GALNT16: variants seen among roughly 807,000 people sequenced by gnomAD.
GALNT16 encodes the protein polypeptide N-acetylgalactosaminyltransferase 16.
GALNT16 carries 40 observed loss-of-function variants against 76.1 expected under a neutral mutation model. The ratio of observed to expected loss-of-function variants is 0.53; its 90% confidence interval spans 0.41 to 0.68. GALNT16 has a LOEUF of 0.68. Among genes scored for constraint, GALNT16 ranks in the 30% least tolerant of loss-of-function variants. The pLI is 0.00. For missense variants in GALNT16, 621 were observed against 731.9 expected (o/e 0.85, Z 1.75); for synonymous variants, 276 against 285.2 (o/e 0.97, Z 0.32).
intron 10 of GALNT16, 64 bp from the exon 11 acceptor site, chr14:69,339,463 G>C: frequency 1.1e-6 from 1 of 948,756 alleles, no homozygotes. Context: ...GATTAATCTT[G>C]ATCCTGACCG....
intron 14 of GALNT16, chr14:69,348,942 C>T (rs559792416): frequency 1.3e-5 from 2 of 152,488 alleles, no homozygotes; most frequent in African/African-American, 4.8e-5. Flanking sequence ...TAGCCTGCCT[C>T]AGTCGGTGCA....
At position 69,261,648 on chromosome 14, in the gene GALNT16, G is replaced by C. The variant is rs369609718; in HGVS notation, c.177+1181G>C. Among the ~76,000 whole-genome samples the C allele has an allele frequency of 7.9e-5, 12 of 152,264 alleles. No individual in the cohort carries two copies. The highest frequency in any genetic ancestry group is 3.4e-3 in the Middle Eastern group (1 of 294). On this transcript the variant is annotated intron_variant, in intron 1 of 14. Coordinates refer to ENST00000448469, the MANE Select transcript of GALNT16 (RefSeq NM_001168368.2). The surrounding 1 kb of genome is among the most constrained non-coding windows in gnomAD (Gnocchi z 6.4). ...TCCGGAGGGCTGAGGCTTGTGTGGA[G>C]CCGAATCCGAGAAACGCATCCAGAC...
chr14:69,309,938 C>A (rs544351385), intron 1 of GALNT16, among the ~76,000 whole-genome samples: 55 of 151,978 alleles, frequency 3.6e-4, no homozygotes, highest in African/African-American at 1.3e-3. Flanking sequence ...TTTGAGCTAC[C>A]TGAAATTTAT....
At chr14:69,364,850 C>T in the GALNT16 span, among the ~76,000 whole-genome samples, 47 of 152,204 alleles carry the variant, frequency 3.1e-4, no homozygotes, top group South Asian at 1.0e-3. This position sits in a 1 kb window ranked among gnomAD's most constrained non-coding sequence, Gnocchi z 4.2. Flanking sequence ...TGATGGAACC[C>T]GCTTTTCAGG....
the GALNT16 span, among the ~76,000 whole-genome samples, chr14:69,379,840 G>C: frequency 6.6e-6 from 1 of 152,132 alleles, no homozygotes; most frequent in Admixed American, 6.5e-5. Flanking sequence ...AAGTTCATCT[G>C]TCTGCTGCTG....
In GALNT16 at chr14:69,333,280, T is replaced by C. The variant is rs1314524502; in HGVS notation, c.863+111T>C. 2.6e-6 allele frequency: 2 copies of C among 765,708 alleles called. No homozygotes were observed. The highest frequency in any genetic ancestry group is 2.2e-6 in the Non-Finnish European group (1 of 459,636). The allele number at this position is 765,708 out of a possible 1,614,324, so 47.4% of individuals were successfully genotyped here. On this transcript the variant is annotated intron_variant, in intron 8 of 14. Transcript: ENST00000448469. The surrounding 1 kb of genome is among the most constrained non-coding windows in gnomAD (Gnocchi z 4.2). ...TGGGCTCCTGAGGCGCACTAAGTGC[T>C]GACTCTGTTCTGGGCCTTCGGACCC...
intron 11 of GALNT16, 124 bp downstream of exon 11, chr14:69,339,743 C>A: frequency 1.6e-6 from 1 of 613,142 alleles, no homozygotes; most frequent in East Asian, 2.9e-5. Flanking sequence ...AGGTCCCACT[C>A]TAATGGGCTT....
chr14:69,320,972 TC>T, intron 2 of GALNT16, 104 bp downstream of exon 2: 1 of 1,149,126 alleles, frequency 8.7e-7, no homozygotes. Flanking sequence ...GATGATTTCC[TC>T]AGACTGTGTC....
chr14:69,288,789 C>A (rs574838584), intron 1 of GALNT16, among the ~76,000 whole-genome samples: 1 of 152,202 alleles, frequency 6.6e-6, no homozygotes, highest in Non-Finnish European at 1.5e-5. Flanking sequence ...GAAAAACCAA[C>A]ACCTGGAGAA....
At chr14:69,294,236 C>T (rs2044724882) in intron 1 of GALNT16, among the ~76,000 whole-genome samples, 1 of 152,164 alleles carries the variant, frequency 6.6e-6, no homozygotes, top group South Asian at 2.1e-4. Flanking sequence ...ATTCTGTTGC[C>T]TCAGCCTCCC....
chr14:69,380,549 C>A, the GALNT16 span: 1 of 1,604,116 alleles, frequency 6.2e-7, no homozygotes, highest in Non-Finnish European at 8.5e-7. Context: ...TATTTCCCAG[C>A]CTGTTGGGCC....
At chr14:69,307,582 G>A (rs542220259) in intron 1 of GALNT16, among the ~76,000 whole-genome samples, 9 of 152,072 alleles carry the variant, frequency 5.9e-5, no homozygotes, top group South Asian at 4.2e-4. Flanking sequence ...CCTCCTTTCC[G>A]CAGCTACGGA....
At chr14:69,383,967 G>A in the GALNT16 span, among the ~76,000 whole-genome samples, 5 of 152,088 alleles carry the variant, frequency 3.3e-5, no homozygotes, top group Non-Finnish European at 7.4e-5. Context: ...GGGTAATATA[G>A]CAAGACCCTG....
downstream of GALNT16, among the ~76,000 whole-genome samples, chr14:69,360,044 T>TAAAGAAGA (rs1555403076): frequency 2.0e-5 from 3 of 148,850 alleles, no homozygotes; most frequent in African/African-American, 7.5e-5. Context: ...TAAAATAAAA[T>TAAAGAAGA]AAAGAAAAAA....
intron 1 of GALNT16, among the ~76,000 whole-genome samples, chr14:69,274,944 A>G (rs2044452308): frequency 6.6e-6 from 1 of 152,202 alleles, no homozygotes; most frequent in Non-Finnish European, 1.5e-5. Context: ...GCCCGGCTTC[A>G]AAGCCATGGA....
At chr14:69,384,123 C>G in the GALNT16 span, among the ~76,000 whole-genome samples, 1 of 152,198 alleles carries the variant, frequency 6.6e-6, no homozygotes, top group Admixed American at 6.5e-5. Flanking sequence ...AACCTCAACA[C>G]CTTTTAAATC....
At chr14:69,276,638 G>A (rs1003965583) in intron 1 of GALNT16, among the ~76,000 whole-genome samples, 6 of 151,192 alleles carry the variant, frequency 4.0e-5, no homozygotes, top group South Asian at 2.1e-4. Context: ...CCGAGATCAC[G>A]CCACTGCACT....
chr14:69,367,966 G>A, the GALNT16 span, among the ~76,000 whole-genome samples: 7 of 151,984 alleles, frequency 4.6e-5, no homozygotes, highest in Non-Finnish European at 1.0e-4. Flanking sequence ...ACTCCATCCT[G>A]GGCAACAGAA....
chr14:69,380,600 C>G, the GALNT16 span: 6 of 1,608,348 alleles, frequency 3.7e-6, no homozygotes, highest in Non-Finnish European at 5.1e-6. Flanking sequence ...TTAATCCAGT[C>G]TTTGTTATAA....
Sources: allele counts gnomAD v4.1 joint callset (sites outside exome capture counted in the v4.1 genomes callset), GRCh38; gene constraint gnomAD v4.1.1; non-coding constraint Gnocchi (gnomAD v3.1); transcripts MANE v1.5; gene names NCBI Gene and HGNC (gene_info 2026-07-23, HGNC 2026-07-21).